Variants in DPP6 observed in about 807,000 individuals in gnomAD.
The protein encoded by DPP6 is A-type potassium channel modulatory protein DPP6.
A neutral mutation model predicts 122.6 loss-of-function variants in DPP6; 69 were observed. That is an observed-to-expected ratio of 0.56 (90% CI 0.46 to 0.69). The LOEUF (loss-of-function observed/expected upper bound fraction) is 0.69. Ranked by LOEUF, DPP6 falls within the 30% of genes least tolerant of loss-of-function variation. The probability of loss-of-function intolerance (pLI) is 0.00; values close to 1 mark genes in which losing one functional copy is unlikely to be tolerated. For missense variants in DPP6, 928 were observed against 1,116.9 expected, an observed-to-expected ratio of 0.83 and a Z score of 2.41; for synonymous variants, 418 against 433.1, an observed-to-expected ratio of 0.97 and a Z score of 0.43.
chr7:154,183,958 C>G lies in DPP6; in HGVS notation c.243+130895C>G, dbSNP rs566335773. Among the ~76,000 whole-genome samples, 172 of 152,332 alleles carry G rather than the reference C, an allele frequency of 1.1e-3. 2 individuals are homozygous for G. The highest frequency in any genetic ancestry group is 4.0e-3 in the African/African-American group (168 of 41,578). ...TAGATTTATTTCTTAATTGCCTAAA[C>G]CACTCTGAAATACCTGTCCATTCCC... On this transcript the variant is annotated intron_variant, in intron 1 of 25. Transcript: ENST00000377770.
chr7:153,811,914 G>A, the DPP6 span, among the ~76,000 whole-genome samples: 7 of 152,126 alleles, frequency 4.6e-5, no homozygotes, highest in East Asian at 1.9e-4. Context: ...TTGAATGAGC[G>A]TGCTGACTGT....
chr7:154,319,874 C>A (rs1024417709), intron 1 of DPP6, among the ~76,000 whole-genome samples: 14 of 151,698 alleles, frequency 9.2e-5, no homozygotes, highest in African/African-American at 3.4e-4. Context: ...GCCTGTAATC[C>A]CAGCTACACA....
At chr7:154,411,460 C>G (rs1411545912) in intron 1 of DPP6, among the ~76,000 whole-genome samples, 1 of 152,162 alleles carries the variant, frequency 6.6e-6, no homozygotes. Flanking sequence ...AGGCTGGTCT[C>G]AAACTCCTAG....
chr7:154,450,743 G>A (rs1302000768), intron 2 of DPP6, among the ~76,000 whole-genome samples: 1 of 152,204 alleles, frequency 6.6e-6, no homozygotes, highest in African/African-American at 2.4e-5. Flanking sequence ...GAACTGCAAA[G>A]CCAATCCTTG....
intron 5 of DPP6, among the ~76,000 whole-genome samples, chr7:154,569,989 G>A (rs1371244111): frequency 2.0e-5 from 3 of 151,952 alleles, no homozygotes; most frequent in Admixed American, 6.5e-5. Context: ...CCCAATGAAT[G>A]TCAGCTCTCC....
At chr7:154,461,472 G>T (rs991429807) in intron 2 of DPP6, among the ~76,000 whole-genome samples, 4 of 152,082 alleles carry the variant, frequency 2.6e-5, no homozygotes, top group Non-Finnish European at 5.9e-5. Flanking sequence ...GTACTAATTT[G>T]CATTTTTATC....
At chr7:154,229,038 C>T (rs1044126625) in intron 1 of DPP6, among the ~76,000 whole-genome samples, 32 of 152,100 alleles carry the variant, frequency 2.1e-4, no homozygotes, top group Non-Finnish European at 3.4e-4. Flanking sequence ...GGAGCATTGT[C>T]CTGGTGGAGA....
the DPP6 span, among the ~76,000 whole-genome samples, chr7:153,769,834 A>G: frequency 4.6e-5 from 7 of 152,320 alleles, no homozygotes; most frequent in African/African-American, 1.7e-4. Context: ...GGGTTTGAAC[A>G]CACTTGCTTA....
chr7:154,473,806 C>T lies in DPP6; in HGVS notation c.359-1133C>T, dbSNP rs147813510. 1.2e-4 allele frequency among the ~76,000 whole-genome samples: 18 copies of T among 152,236 alleles called. 1 individual carries two copies. The East Asian group carries it at 3.3e-3, about 28-fold the overall frequency. Reference sequence around the variant, plus strand: ...AACAAGAAACAGACATACCACCAGACATTGAAATACAAAAACACACAGCTC... The same window carrying T: ...AACAAGAAACAGACATACCACCAGATATTGAAATACAAAAACACACAGCTC... On this transcript the variant is annotated intron_variant, in intron 2 of 25. Coordinates refer to ENST00000377770, the MANE Select transcript of DPP6 (RefSeq NM_130797.4).
chr7:154,301,621 G>C (rs1805905882), intron 1 of DPP6, among the ~76,000 whole-genome samples: 1 of 152,056 alleles, frequency 6.6e-6, no homozygotes, highest in South Asian at 2.1e-4. Flanking sequence ...TCCAATGAAA[G>C]ATAGGCCTTT....
At chr7:153,851,938 C>G in the DPP6 span, among the ~76,000 whole-genome samples, 1 of 152,180 alleles carries the variant, frequency 6.6e-6, no homozygotes, top group South Asian at 2.1e-4. Context: ...GGTTTTCTCT[C>G]AATAAAATTT....
chr7:154,361,584 C>A, intron 1 of DPP6, among the ~76,000 whole-genome samples: 2 of 95,818 alleles, frequency 2.1e-5, no homozygotes, highest in Non-Finnish European at 2.0e-5. Context: ...GCAAAGAAAT[C>A]TTGAGAATAA....
intron 1 of DPP6, among the ~76,000 whole-genome samples, chr7:154,417,062 C>T (rs1402742363): frequency 6.6e-6 from 1 of 152,190 alleles, no homozygotes; most frequent in Non-Finnish European, 1.5e-5. Flanking sequence ...TCACTGGAGT[C>T]TGATTTCAAT....
chr7:154,600,300 C>T lies in DPP6; in HGVS notation c.627+33384C>T, dbSNP rs529532594. ...TTGCCACCGTGCCCGGCTAATTTTT[C>T]GTATTTTTTGTAGACATGGGGTTTC... On this transcript the variant is annotated intron_variant, in intron 5 of 25. Coordinates refer to ENST00000377770, the MANE Select transcript of DPP6 (RefSeq NM_130797.4). 2.6e-5 allele frequency among the ~76,000 whole-genome samples: 3 copies of T among 116,166 alleles called. 1 individual carries two copies. The highest frequency in any genetic ancestry group is 3.9e-5 in the Non-Finnish European group (2 of 51,912). 76.2% of individuals were successfully genotyped at this position (116,166 alleles called of 152,430 possible). A position where few individuals can be genotyped will look rare whatever the true frequency, so the allele number is the denominator to read the frequency against.
chr7:154,005,706 G>A (rs1490680894), intron 1 of DPP6, among the ~76,000 whole-genome samples: 3 of 140,302 alleles, frequency 2.1e-5, no homozygotes, highest in Non-Finnish European at 4.6e-5. Context: ...GGGCTGGGGG[G>A]CTGTGGGGGC....
the DPP6 span, among the ~76,000 whole-genome samples, chr7:153,772,665 A>C: frequency 1.2e-3 from 189 of 151,498 alleles, 4 homozygotes; most frequent in African/African-American, 4.1e-3. Flanking sequence ...ACAAATTAAA[A>C]GGCAAAGATG....
intron 1 of DPP6, among the ~76,000 whole-genome samples, chr7:154,376,349 C>A (rs981760370): frequency 6.6e-6 from 1 of 152,222 alleles, no homozygotes; most frequent in Non-Finnish European, 1.5e-5. Flanking sequence ...TTATACAAGG[C>A]AGCATTAGCA....
At position 154,305,592 on chromosome 7, in the gene DPP6, G is replaced by A. The variant is rs772721789; in HGVS notation, c.244-140622G>A. The A allele has an allele frequency of 3.3e-5, 51 of 1,566,162 alleles. No homozygotes were observed. The African/African-American group carries it at 6.2e-4, about 19-fold the overall frequency. Reference sequence around the variant, plus strand: ...GGGGTCCGTGTGTGTGTGTGTGCGTGCGTGTGCATGCGTGCATATGTGTGT... The same window carrying A: ...GGGGTCCGTGTGTGTGTGTGTGCGTACGTGTGCATGCGTGCATATGTGTGT... On this transcript the variant is annotated intron_variant, in intron 1 of 25. Coordinates refer to ENST00000377770, the MANE Select transcript of DPP6 (RefSeq NM_130797.4).
At chr7:154,063,140 G>A (rs1802273632) in intron 1 of DPP6, among the ~76,000 whole-genome samples, 1 of 118,302 alleles carries the variant, frequency 8.5e-6, no homozygotes, top group African/African-American at 3.1e-5. Context: ...CCCCACGAGA[G>A]TGGGGACTGA....
Sources: allele counts gnomAD v4.1 joint callset (sites outside exome capture counted in the v4.1 genomes callset), GRCh38; gene constraint gnomAD v4.1.1; transcripts MANE v1.5; gene names NCBI Gene and HGNC (gene_info 2026-07-23, HGNC 2026-07-21).